The following CPEB1 variants were observed in gnomAD, a reference collection of about 807,000 sequenced individuals.
CPEB1 encodes cytoplasmic polyadenylation element binding protein 1.
Under a neutral mutation model 65.8 loss-of-function variants are expected in CPEB1, and 7 were observed. The ratio of observed to expected loss-of-function variants is 0.11; its 90% CI spans 0.06 to 0.20. The LOEUF (loss-of-function observed/expected upper bound fraction) is 0.20, where lower values mean the gene tolerates loss of function less well. CPEB1 is among the 10% of genes least tolerant of loss of function. CPEB1 has a pLI of 1.00. For synonymous variants in CPEB1, 262 were observed against 260.0 expected (o/e 1.01, Z -0.08); for missense variants, 551 against 712.2 (o/e 0.77, Z 2.58).
intron 1 of CPEB1, among the ~76,000 whole-genome samples, chr15:82,642,963 T>C (rs945553400): frequency 6.6e-6 from 1 of 152,198 alleles, no homozygotes; most frequent in African/African-American, 2.4e-5. Context: ...TCCCTTAAAA[T>C]AAACATAACT....
Position 82,645,745 on chromosome 15 carries a change from G to C in CPEB1, c.-98+1392C>G, listed in dbSNP as rs181057701. ...CAGCCGCGCGTGGTGGCACGAGCTT[G>C]TAATCCTAGCTACACAGGAGGCTGA... is the stretch of plus-strand genomic sequence containing the variant. On this transcript the variant is annotated intron_variant, in intron 1 of 12. Coordinates refer to ENST00000684509, the MANE Select transcript of CPEB1 (RefSeq NM_001365242.1). 3.3e-5 allele frequency among the ~76,000 whole-genome samples: 5 copies of C among 152,170 alleles called. No homozygotes were observed. In the East Asian group the frequency reaches 9.7e-4, roughly 30 times the overall value.
intron 9 of CPEB1, among the ~76,000 whole-genome samples, chr15:82,551,088 G>C (rs142865934): frequency 0.017 from 2,653 of 152,240 alleles, 29 homozygotes; most frequent in Non-Finnish European, 0.025. Context: ...GACTACACAA[G>C]CTCCAGAGAA....
At chr15:82,634,865 T>C (rs2046535174) in intron 1 of CPEB1, among the ~76,000 whole-genome samples, 1 of 152,168 alleles carries the variant, frequency 6.6e-6, no homozygotes, top group Non-Finnish European at 1.5e-5. Flanking sequence ...TATTTTTCTA[T>C]TTTTATTTTT....
At chr15:82,567,323 C>T (rs1212441503) in intron 4 of CPEB1, among the ~76,000 whole-genome samples, 1 of 152,142 alleles carries the variant, frequency 6.6e-6, no homozygotes, top group Non-Finnish European at 1.5e-5. Flanking sequence ...ATTCCATTCA[C>T]TGATTAGCAG....
At chr15:82,629,497 T>C (rs773039232) in intron 1 of CPEB1, 27 of 985,226 alleles carry the variant, frequency 2.7e-5, no homozygotes, top group Non-Finnish European at 3.1e-5. Context: ...AACTATTCTT[T>C]TGGTATTCCC....
chr15:82,629,406 A>G, intron 1 of CPEB1: 1 of 985,070 alleles, frequency 1.0e-6, no homozygotes, highest in Non-Finnish European at 1.2e-6. Context: ...ATTAACTGGC[A>G]TGAGAAGATG....
intron 3 of CPEB1, among the ~76,000 whole-genome samples, chr15:82,574,395 C>T (rs540889503): frequency 2.8e-4 from 43 of 152,172 alleles, no homozygotes; most frequent in African/African-American, 9.4e-4. Flanking sequence ...CAACAGTAGC[C>T]ATCTTTTAGG....
intron 3 of CPEB1, among the ~76,000 whole-genome samples, chr15:82,592,987 A>G (rs2042382144): frequency 6.6e-6 from 1 of 152,142 alleles, no homozygotes; most frequent in Admixed American, 6.5e-5. Flanking sequence ...ACAGAGCGAT[A>G]CTCCGTCTCA....
At chr15:82,602,284 A>G (rs773910795) in intron 3 of CPEB1, among the ~76,000 whole-genome samples, 1 of 152,212 alleles carries the variant, frequency 6.6e-6, no homozygotes, top group Non-Finnish European at 1.5e-5. Flanking sequence ...TGGAAATTAG[A>G]AAATAGTCAA....
intron 10 of CPEB1, 133 bp downstream of exon 10, chr15:82,549,327 A>G (rs754261250): frequency 8.7e-5 from 70 of 807,546 alleles, no homozygotes; most frequent in Non-Finnish European, 1.3e-4. Flanking sequence ...AGAAAAAGAT[A>G]TTATGGTGCT....
At chr15:82,607,585 C>A (rs1261566674) in intron 3 of CPEB1, among the ~76,000 whole-genome samples, 2 of 151,696 alleles carry the variant, frequency 1.3e-5, no homozygotes, top group Non-Finnish European at 2.9e-5. Flanking sequence ...AGACTCAAGT[C>A]TCAAGGAAAA....
intron 3 of CPEB1, among the ~76,000 whole-genome samples, chr15:82,607,168 T>C (rs1313027172): frequency 1.3e-5 from 2 of 151,872 alleles, no homozygotes; most frequent in Non-Finnish European, 2.9e-5. Context: ...GTGTATATCT[T>C]ATCAGTAATT....
intron 3 of CPEB1, among the ~76,000 whole-genome samples, chr15:82,580,849 C>CTTTTTTTTTTT (rs113794355): frequency 1.4e-5 from 2 of 147,230 alleles, no homozygotes; most frequent in African/African-American, 2.5e-5. Context: ...TCCCCAATTT[C>CTTTTTTTTTTT]TTTTTTTTTT....
chr15:82,552,756 T>G (rs531138354), intron 8 of CPEB1, 140 bp from the exon 9 acceptor site: 1 of 923,664 alleles, frequency 1.1e-6, no homozygotes. Context: ...TGAAAAGTCG[T>G]GTTGAGTGGA....
At chr15:82,566,155 A>G (rs2039084840) in intron 4 of CPEB1, among the ~76,000 whole-genome samples, 1 of 152,226 alleles carries the variant, frequency 6.6e-6, no homozygotes, top group Non-Finnish European at 1.5e-5. Flanking sequence ...GTGTGATGGC[A>G]GCATTAGCAA....
intron 12 of CPEB1, among the ~76,000 whole-genome samples, chr15:82,545,149 T>G (rs1323102543): frequency 6.6e-6 from 1 of 152,230 alleles, no homozygotes; most frequent in African/African-American, 2.4e-5. Flanking sequence ...TTTCTCAGTC[T>G]AGTCCCATCT....
At chr15:82,567,130 C>G (rs1300097744) in intron 4 of CPEB1, among the ~76,000 whole-genome samples, 1 of 152,122 alleles carries the variant, frequency 6.6e-6, no homozygotes, top group Non-Finnish European at 1.5e-5. Context: ...TTACAAGAGA[C>G]CTGGTTGGGC....
intron 1 of CPEB1, among the ~76,000 whole-genome samples, chr15:82,632,402 T>C (rs1223312902): frequency 6.6e-6 from 1 of 152,234 alleles, no homozygotes; most frequent in African/African-American, 2.4e-5. Flanking sequence ...TCACCCATCA[T>C]GAATTCAGGT....
At chr15:82,622,332 T>A (rs1567228659) in intron 3 of CPEB1, among the ~76,000 whole-genome samples, 2 of 151,842 alleles carry the variant, frequency 1.3e-5, no homozygotes, top group Non-Finnish European at 2.9e-5. Context: ...TGCAAAACCC[T>A]CTTAAACCAC....
Sources: allele counts gnomAD v4.1 joint callset (sites outside exome capture counted in the v4.1 genomes callset), GRCh38; gene constraint gnomAD v4.1.1; transcripts MANE v1.5; gene names NCBI Gene and HGNC (gene_info 2026-07-23, HGNC 2026-07-21).